Variants in APC observed in about 807,000 individuals in gnomAD.
APC encodes the protein APC regulator of Wnt signaling pathway, also known as adenomatous polyposis coli protein.
APC carries 72 observed loss-of-function variants against 247.0 expected under a neutral mutation model. The observed-to-expected ratio is 0.29, with a 90% CI of 0.24 to 0.35. APC has a LOEUF of 0.35. Ranked by LOEUF, APC falls within the 10% of genes least tolerant of loss-of-function variation. APC has a pLI of 1.00. For missense variants in APC, 3,400 were observed against 3,360.7 expected (o/e 1.01, Z -0.29); for synonymous variants, 1,254 against 1,162.5 (o/e 1.08, Z -1.60).
intron 1 of APC, among the ~76,000 whole-genome samples, chr5:112,752,527 G>T (rs570753749): frequency 1.3e-4 from 20 of 152,198 alleles, no homozygotes; most frequent in African/African-American, 4.8e-4. Flanking sequence ...AAATTGAGAG[G>T]TTTGCATGCT....
chr5:112,813,016 T>C (rs549139177), intron 8 of APC, among the ~76,000 whole-genome samples: 1 of 152,232 alleles, frequency 6.6e-6, no homozygotes, highest in South Asian at 2.1e-4. Context: ...ACAAAGGAAG[T>C]AGAGACTGGA....
Position 112,841,229 on chromosome 5 carries a change from G to T in APC, c.5635G>T (p.Ala1879Ser), listed in dbSNP as rs587779799. 142 of 1,613,704 alleles carry T rather than the reference G, an allele frequency of 8.8e-5. No individual in the cohort carries two copies. The highest frequency in any genetic ancestry group is 1.2e-4 in the Non-Finnish European group (136 of 1,179,802). The stretch of plus-strand genomic sequence containing the variant: ...TGATGTTGACCTTTCCAGGGAAAAG[G>T]CTGAATTAAGAAAGGCAAAAGAAAA... Reference protein sequence around the residue: ...DDDVDLSREKAELRKAKENKE... With the variant: ...DDDVDLSREKSELRKAKENKE... Residue 1879 changes from alanine (A) to serine (S), a missense_variant, in exon 16 of 16, where the codon GCT becomes TCT. Coordinates refer to ENST00000257430, the MANE Select transcript of APC (RefSeq NM_000038.6). This position sits in a 1 kb window ranked among gnomAD's most constrained non-coding sequence, Gnocchi z 4.6.
chr5:112,816,176 C>T (rs1164391954), intron 9 of APC, among the ~76,000 whole-genome samples: 2 of 152,172 alleles, frequency 1.3e-5, no homozygotes, highest in African/African-American at 2.4e-5. Flanking sequence ...CCTAGCCAGC[C>T]TTCAAAACTC....
intron 1 of APC, among the ~76,000 whole-genome samples, chr5:112,750,253 G>A (rs888821605): frequency 1.4e-4 from 22 of 151,990 alleles, no homozygotes; most frequent in African/African-American, 5.3e-4. Context: ...ATGAGCCACC[G>A]CCACCTGGCC....
chr5:112,751,386 A>G (rs1754346407), intron 1 of APC, among the ~76,000 whole-genome samples: 1 of 152,228 alleles, frequency 6.6e-6, no homozygotes, highest in African/African-American at 2.4e-5. Flanking sequence ...AAAGCTTTAT[A>G]TAGTATTTTT....
At chr5:112,754,586 ATTAC>A (rs1398956304) in intron 1 of APC, among the ~76,000 whole-genome samples, 2 of 152,178 alleles carry the variant, frequency 1.3e-5, no homozygotes, top group African/African-American at 4.8e-5. Context: ...TGAAGAAATT[ATTAC>A]TTGATAGAAA....
At chr5:112,724,886 C>G (rs764631458) in intron 1 of APC, among the ~76,000 whole-genome samples, 4 of 152,224 alleles carry the variant, frequency 2.6e-5, no homozygotes, top group Non-Finnish European at 5.9e-5. Flanking sequence ...TGCTAATGAG[C>G]TTAGACTTTT....
intron 1 of APC, among the ~76,000 whole-genome samples, chr5:112,746,017 C>T (rs1050948635): frequency 2.0e-5 from 3 of 151,726 alleles, no homozygotes; most frequent in African/African-American, 7.3e-5. Context: ...AAATGAAACC[C>T]TAAAAAGTTT....
intron 13 of APC, among the ~76,000 whole-genome samples, chr5:112,828,625 GT>G (rs1763973541): frequency 6.6e-6 from 1 of 151,682 alleles, no homozygotes; most frequent in Non-Finnish European, 1.5e-5. Flanking sequence ...TTTTTAAAAA[GT>G]TTTCATAGAG....
intron 1 of APC, among the ~76,000 whole-genome samples, chr5:112,723,534 C>A (rs1232607855): frequency 1.3e-5 from 2 of 152,032 alleles, no homozygotes; most frequent in East Asian, 3.9e-4. Context: ...TGTGCTAAAC[C>A]TGTTGTGGTA....
At chr5:112,803,725 A>G (rs1365820349) in intron 8 of APC, among the ~76,000 whole-genome samples, 1 of 152,226 alleles carries the variant, frequency 6.6e-6, no homozygotes, top group Non-Finnish European at 1.5e-5. Context: ...AAAAGGACAG[A>G]CAGTCCTTGG....
chr5:112,765,603 C>G (rs1756203141), intron 2 of APC, among the ~76,000 whole-genome samples: 1 of 152,084 alleles, frequency 6.6e-6, no homozygotes, highest in Non-Finnish European at 1.5e-5. Context: ...AAGAACTATG[C>G]TAGGAGCTAG....
chr5:112,778,422 C>T (rs2149628854), intron 5 of APC: 1 of 151,130 alleles, frequency 6.6e-6, no homozygotes, highest in East Asian at 1.9e-4. Flanking sequence ...TTTAGCATGG[C>T]CCTTGCTCAA....
chr5:112,741,132 T>C (rs1288514897), intron 1 of APC, among the ~76,000 whole-genome samples: 2 of 152,128 alleles, frequency 1.3e-5, no homozygotes, highest in Non-Finnish European at 2.9e-5. Flanking sequence ...AATATCATCT[T>C]TGAAAAATGC....
At chr5:112,751,512 T>C (rs916936179) in intron 1 of APC, among the ~76,000 whole-genome samples, 1 of 152,038 alleles carries the variant, frequency 6.6e-6, no homozygotes, top group Non-Finnish European at 1.5e-5. Context: ...TACTTTTCTA[T>C]CTTTCTCATA....
rs895687657 is a variant in APC, at chr5:112,723,393, C to T, written c.165+15511C>T. 3.3e-5 allele frequency among the ~76,000 whole-genome samples: 5 copies of T among 151,806 alleles called. No homozygotes were observed. The East Asian group carries it at 7.8e-4, about 24-fold the overall frequency. On this transcript the variant is annotated intron_variant, in intron 1 of 13. Coordinates refer to the APC transcript ENST00000507379. ...GGGAGAATTGCTTGAGCCTGTGAGG[C>T]GGAGGTTGCAGTGAGCCAAGATTAT...
intron 4 of APC, 90 bp from the exon 5 acceptor site, chr5:112,775,539 G>T (rs960060650): frequency 1.3e-6 from 1 of 753,652 alleles, no homozygotes; most frequent in Non-Finnish European, 2.2e-6. Context: ...AGGTAGAGAA[G>T]TTTGCAATAA....
chr5:112,737,960 C>CG, intron 1 of APC, 35 bp downstream of exon 1: 1 of 980,688 alleles, frequency 1.0e-6, no homozygotes. Context: ...AGGCTTGCTG[C>CG]GGGGGGAGGG....
At chr5:112,719,630 G>T (rs1182567931) in intron 1 of APC, among the ~76,000 whole-genome samples, 1 of 151,492 alleles carries the variant, frequency 6.6e-6, no homozygotes, top group Admixed American at 6.6e-5. Flanking sequence ...CGCCTCCCAG[G>T]TTCAGGCAAT....
Sources: allele counts gnomAD v4.1 joint callset (sites outside exome capture counted in the v4.1 genomes callset), GRCh38; gene constraint gnomAD v4.1.1; non-coding constraint Gnocchi (gnomAD v3.1); transcripts MANE v1.5; gene names NCBI Gene and HGNC (gene_info 2026-07-23, HGNC 2026-07-21).